WWOX: variants seen among roughly 807,000 people sequenced by gnomAD.
WWOX encodes WW domain-containing oxidoreductase.
A neutral mutation model predicts 46.2 loss-of-function variants in WWOX; 69 were observed. The ratio of observed to expected loss-of-function variants is 1.49; its 90% confidence interval spans 1.23 to 1.82. The LOEUF (loss-of-function observed/expected upper bound fraction) is 1.82. Among genes scored for constraint, WWOX ranks in the 40% most tolerant of loss-of-function variants. WWOX has a pLI of 0.00. For missense variants in WWOX, 919 were observed against 542.6 expected, an observed-to-expected ratio of 1.69 and a Z score of -6.89; for synonymous variants, 359 against 202.6, an observed-to-expected ratio of 1.77 and a Z score of -6.56.
chr16:78,867,088 C>T (rs550110862), intron 8 of WWOX, among the ~76,000 whole-genome samples: 4 of 152,100 alleles, frequency 2.6e-5, no homozygotes, highest in Non-Finnish European at 5.9e-5. Context: ...AGAAGGGCGC[C>T]TTCTGTTATG....
chr16:78,968,166 GC>G (rs2046400805), intron 8 of WWOX, among the ~76,000 whole-genome samples: 1 of 151,466 alleles, frequency 6.6e-6, no homozygotes. Context: ...GCGTGGCACA[GC>G]GCGTGGTCTG....
At chr16:78,690,051 C>G (rs1007427582) in intron 8 of WWOX, among the ~76,000 whole-genome samples, 3 of 151,808 alleles carry the variant, frequency 2.0e-5, no homozygotes, top group African/African-American at 7.3e-5. Context: ...AGTAGAGATG[C>G]GGTTTCACCA....
chr16:78,225,723 C>G (rs952778317), intron 5 of WWOX, among the ~76,000 whole-genome samples: 4 of 152,146 alleles, frequency 2.6e-5, no homozygotes, highest in Non-Finnish European at 4.4e-5. Flanking sequence ...AGGAAATATA[C>G]CTGGGCTAAT....
intron 8 of WWOX, among the ~76,000 whole-genome samples, chr16:78,696,904 A>C (rs73571458): frequency 0.012 from 1,790 of 152,262 alleles, 21 homozygotes; most frequent in African/African-American, 0.04. Flanking sequence ...TATAAGTGAA[A>C]ACACACAGTG....
chr16:78,372,367 C>A (rs1031384626), intron 5 of WWOX, among the ~76,000 whole-genome samples: 1 of 152,164 alleles, frequency 6.6e-6, no homozygotes, highest in South Asian at 2.1e-4. Context: ...CGTCTACCCC[C>A]CTGCTGCTCT....
At chr16:79,048,956 A>T (rs558747679) in intron 8 of WWOX, among the ~76,000 whole-genome samples, 2 of 152,172 alleles carry the variant, frequency 1.3e-5, no homozygotes, top group Non-Finnish European at 1.5e-5. Context: ...ACAGGTGTCC[A>T]CTGGAGTCAT....
intron 8 of WWOX, among the ~76,000 whole-genome samples, chr16:78,762,967 G>T (rs986178616): frequency 6.6e-6 from 1 of 152,204 alleles, no homozygotes; most frequent in Non-Finnish European, 1.5e-5. Context: ...GGCTGGGGAA[G>T]ATTTTCCTGG....
chr16:78,144,464 CACACATATAT>C (rs2034109229), intron 4 of WWOX, among the ~76,000 whole-genome samples: 4 of 17,962 alleles, frequency 2.2e-4, no homozygotes, highest in Non-Finnish European at 4.4e-4. Flanking sequence ...TATATATATA[CACACATATAT>C]ATATATATAT....
chr16:79,164,799 A>G (rs1311659218), intron 8 of WWOX, among the ~76,000 whole-genome samples: 1 of 152,188 alleles, frequency 6.6e-6, no homozygotes, highest in Admixed American at 6.5e-5. Context: ...CAAGGAGACA[A>G]GGGATTCAGG....
Position 78,906,995 on chromosome 16 carries a change from G to A in WWOX, c.1057-304613G>A, listed in dbSNP as rs191941958. Among the ~76,000 whole-genome samples the A allele has an allele frequency of 2.0e-5, 3 of 152,304 alleles. No homozygotes were observed. In the East Asian group the frequency reaches 5.8e-4, roughly 29 times the overall value. ...ATGGGTTCATTCTGCCTGATGCCCA[G>A]ATAAAGCCGATTTATCTAGACAGGG... On this transcript the variant is annotated intron_variant, in intron 8 of 8. Transcript: ENST00000566780.
chr16:79,093,962 G>C (rs997485826), intron 8 of WWOX, among the ~76,000 whole-genome samples: 1 of 152,136 alleles, frequency 6.6e-6, no homozygotes, highest in Non-Finnish European at 1.5e-5. Flanking sequence ...ACTTAGTACC[G>C]TGTCATATAC....
intron 8 of WWOX, among the ~76,000 whole-genome samples, chr16:79,112,555 G>A (rs909246339): frequency 3.3e-5 from 5 of 152,154 alleles, no homozygotes; most frequent in Non-Finnish European, 5.9e-5. Context: ...GCAAACGGGA[G>A]CAAGACACCA....
chr16:78,496,876 A>G (rs2084930974), intron 8 of WWOX, among the ~76,000 whole-genome samples: 1 of 152,222 alleles, frequency 6.6e-6, no homozygotes, highest in African/African-American at 2.4e-5. Context: ...AAGGAGAGGA[A>G]TGAATGACTG....
chr16:78,603,222 A>G (rs2045665370), intron 8 of WWOX, among the ~76,000 whole-genome samples: 1 of 152,174 alleles, frequency 6.6e-6, no homozygotes, highest in Admixed American at 6.5e-5. Flanking sequence ...TATCATTTTC[A>G]TGGCACAGAT....
At chr16:78,515,963 A>G (rs11648637) in intron 8 of WWOX, among the ~76,000 whole-genome samples, 12,046 of 152,028 alleles carry the variant, frequency 0.079, 688 homozygotes, top group South Asian at 0.2. Context: ...CAGTCAATCA[A>G]TCAGTCTCTC....
intron 8 of WWOX, chr16:78,891,297 C>G (rs1312800345): frequency 6.6e-6 from 1 of 152,112 alleles, no homozygotes; most frequent in Non-Finnish European, 1.5e-5. Flanking sequence ...CAACTCCTGG[C>G]TTTCTCCTAA....
At chr16:78,221,188 C>G (rs745560247) in intron 5 of WWOX, among the ~76,000 whole-genome samples, 1 of 152,066 alleles carries the variant, frequency 6.6e-6, no homozygotes, top group Non-Finnish European at 1.5e-5. Flanking sequence ...TCTCTAATGT[C>G]CTCTGTATTA....
intron 8 of WWOX, among the ~76,000 whole-genome samples, chr16:78,836,934 A>G (rs189167638): frequency 7.9e-5 from 12 of 152,272 alleles, no homozygotes; most frequent in Admixed American, 3.9e-4. Context: ...GCAGCAAAAT[A>G]TGAGAGATGG....
chr16:78,642,736 G>A (rs1373705540), intron 8 of WWOX, among the ~76,000 whole-genome samples: 1 of 152,126 alleles, frequency 6.6e-6, no homozygotes, highest in Non-Finnish European at 1.5e-5. Context: ...GGCTGTGTGT[G>A]GGTGCACATC....
Sources: allele counts gnomAD v4.1 joint callset (sites outside exome capture counted in the v4.1 genomes callset), GRCh38; gene constraint gnomAD v4.1.1; transcripts MANE v1.5; gene names NCBI Gene and HGNC (gene_info 2026-07-23, HGNC 2026-07-21).